RARB: variants seen among roughly 807,000 people sequenced by gnomAD.
RARB encodes the protein retinoic acid receptor beta, also known as HBV-activated protein.
RARB carries 17 observed loss-of-function variants against 51.9 expected under a neutral mutation model. The observed-to-expected ratio is 0.33, with a 90% CI of 0.22 to 0.49. The LOEUF (loss-of-function observed/expected upper bound fraction) is 0.49. Among genes scored for constraint, RARB ranks in the 20% least tolerant of loss-of-function variants. RARB has a pLI of 0.99. For synonymous variants in RARB, 215 were observed against 195.4 expected (o/e 1.10, Z -0.84); for missense variants, 369 against 550.8 (o/e 0.67, Z 3.30).
At chr3:25,561,903 T>A (rs556459411) in intron 3 of RARB, among the ~76,000 whole-genome samples, 1 of 152,300 alleles carries the variant, frequency 6.6e-6, no homozygotes, top group Admixed American at 6.5e-5. Flanking sequence ...GCTGGGAAAT[T>A]TCTTTTTTGC....
At chr3:24,893,387 A>G (rs1327553168) in intron 2 of RARB, among the ~76,000 whole-genome samples, 3 of 152,242 alleles carry the variant, frequency 2.0e-5, no homozygotes, top group African/African-American at 7.2e-5. Flanking sequence ...ATGCTTGAAG[A>G]CATTGACAGC....
rs114819457 is a variant in RARB, at chr3:25,126,601, C to G, written c.-327-5560C>G. 3.9e-3 allele frequency among the ~76,000 whole-genome samples: 596 copies of G among 152,242 alleles called. 1 individual carries two copies. The highest frequency in any genetic ancestry group is 6.7e-3 in the Non-Finnish European group (454 of 68,028). On this transcript the variant is annotated intron_variant, in intron 3 of 11. Coordinates refer to the RARB transcript ENST00000383772. The stretch of plus-strand genomic sequence containing the variant: ...CAAAGCAGATTCTGATTCAATGGGT[C>G]TGGAGTGGAGACAAAAATTATCTTT...
chr3:24,937,451 C>T (rs533575424), intron 2 of RARB, among the ~76,000 whole-genome samples: 2 of 152,094 alleles, frequency 1.3e-5, no homozygotes, highest in Non-Finnish European at 2.9e-5. Flanking sequence ...TCCTTACTAC[C>T]CTCTCCCAGC....
chr3:25,540,391 G>A (rs932246906), intron 3 of RARB, among the ~76,000 whole-genome samples: 5 of 152,186 alleles, frequency 3.3e-5, no homozygotes, highest in South Asian at 2.1e-4. Flanking sequence ...TCCACACCTC[G>A]GGGTATGGTT....
At position 25,500,454 on chromosome 3, in the gene RARB, G is replaced by GTTTTTTTTTTTTTTTTTTTTTTT. The variant is rs753321842; in HGVS notation, c.307-723_307-701dup. On this transcript the variant is annotated intron_variant, in intron 2 of 7. Transcript: ENST00000330688. Reference sequence around the variant, plus strand: ...ATAATTTCTTTTTCTTTCTTTTCTTGTTTTTTTTTTTTTTTTTTTTTTTTT... The same window carrying GTTTTTTTTTTTTTTTTTTTTTTT: ...ATAATTTCTTTTTCTTTCTTTTCTTGTTTTTTTTTTTTTTTTTTTTTTTTTTTTTTTTTTTTTTTTTTTTTTTT... 1.0e-3 allele frequency among the ~76,000 whole-genome samples: 66 copies of GTTTTTTTTTTTTTTTTTTTTTTT among 66,138 alleles called. 4 individuals are homozygous for GTTTTTTTTTTTTTTTTTTTTTTT. The highest frequency in any genetic ancestry group is 1.2e-3 in the African/African-American group (22 of 17,700). 43.4% of individuals were successfully genotyped at this position (66,138 alleles called of 152,430 possible).
intron 2 of RARB, among the ~76,000 whole-genome samples, chr3:25,036,656 G>T (rs1482786270): frequency 6.6e-6 from 1 of 152,092 alleles, no homozygotes; most frequent in Non-Finnish European, 1.5e-5. Flanking sequence ...CAGGCTTTGT[G>T]CCCACACCAG....
intron 3 of RARB, among the ~76,000 whole-genome samples, chr3:25,561,586 C>A (rs1700273002): frequency 3.9e-5 from 6 of 152,012 alleles, no homozygotes; most frequent in Admixed American, 3.9e-4. Context: ...GTGGTCTTGG[C>A]TGGAACAACT....
At chr3:24,974,631 A>G (rs1696471731) in intron 2 of RARB, among the ~76,000 whole-genome samples, 1 of 152,136 alleles carries the variant, frequency 6.6e-6, no homozygotes, top group Admixed American at 6.6e-5. Flanking sequence ...CTGTGGATTC[A>G]TTAGGCTCCT....
chr3:25,193,588 T>C (rs556018224), intron 5 of RARB, among the ~76,000 whole-genome samples: 1 of 152,064 alleles, frequency 6.6e-6, no homozygotes, highest in Admixed American at 6.6e-5. Flanking sequence ...GTAGAAATTA[T>C]CAAATTTTAT....
chr3:25,524,628 G>GCCTCCCTCCTT (rs568081994), intron 3 of RARB, among the ~76,000 whole-genome samples: 8 of 109,594 alleles, frequency 7.3e-5, no homozygotes, highest in South Asian at 2.7e-4. Flanking sequence ...CTCCCTCCCT[G>GCCTCCCTCCTT]CCTCCCTCCT....
chr3:25,233,865 A>ATG (rs1048409694), intron 5 of RARB, among the ~76,000 whole-genome samples: 30 of 151,716 alleles, frequency 2.0e-4, no homozygotes, highest in African/African-American at 7.3e-4. Context: ...TAATCTGTTA[A>ATG]TGCCATCATT....
chr3:24,970,201 T>C (rs1696365641), intron 2 of RARB, among the ~76,000 whole-genome samples: 1 of 152,112 alleles, frequency 6.6e-6, no homozygotes, highest in South Asian at 2.1e-4. Flanking sequence ...CCTATGGCTG[T>C]AGCTTACCCA....
intron 3 of RARB, among the ~76,000 whole-genome samples, chr3:25,094,289 G>A (rs1266609977): frequency 2.0e-5 from 3 of 152,168 alleles, no homozygotes; most frequent in Non-Finnish European, 4.4e-5. Flanking sequence ...ATCATTGGGT[G>A]ATGGCATATG....
chr3:25,449,759 T>TC (rs1282042557), intron 1 of RARB, among the ~76,000 whole-genome samples: 64 of 148,800 alleles, frequency 4.3e-4, no homozygotes, highest in Non-Finnish European at 7.9e-4. Flanking sequence ...TCTCTCTCTT[T>TC]TTTTTTTTTT....
intron 5 of RARB, among the ~76,000 whole-genome samples, chr3:25,263,919 T>C (rs1350469771): frequency 6.6e-6 from 1 of 152,174 alleles, no homozygotes; most frequent in Non-Finnish European, 1.5e-5. Context: ...AGGCATTTTG[T>C]ACTGACAAGC....
chr3:25,249,303 T>C (rs1222778870), intron 5 of RARB, among the ~76,000 whole-genome samples: 1 of 152,164 alleles, frequency 6.6e-6, no homozygotes. Flanking sequence ...GATATCTGTC[T>C]CTTAATAAAT....
chr3:24,900,783 G>T (rs1216254895), intron 2 of RARB, among the ~76,000 whole-genome samples: 3 of 152,094 alleles, frequency 2.0e-5, no homozygotes, highest in Non-Finnish European at 4.4e-5. Context: ...CAGCACATTC[G>T]GTTTGAGCAG....
At chr3:25,464,749 A>G (rs36085910) in intron 2 of RARB, among the ~76,000 whole-genome samples, 21,564 of 152,086 alleles carry the variant, frequency 0.14, 1,735 homozygotes, top group African/African-American at 0.22. Flanking sequence ...TAAAACAACC[A>G]TTATTCTACC....
chr3:25,219,947 C>T (rs1478849559), intron 5 of RARB, among the ~76,000 whole-genome samples: 2 of 152,132 alleles, frequency 1.3e-5, no homozygotes, highest in Non-Finnish European at 2.9e-5. Flanking sequence ...CATTTTAAAA[C>T]TATTATTACT....
Sources: allele counts gnomAD v4.1 joint callset (sites outside exome capture counted in the v4.1 genomes callset), GRCh38; gene constraint gnomAD v4.1.1; transcripts MANE v1.5; gene names NCBI Gene and HGNC (gene_info 2026-07-23, HGNC 2026-07-21).